SZRD1: variants seen among roughly 807,000 people sequenced by gnomAD.
SZRD1 encodes the protein SUZ RNA-binding domain-containing.
A neutral mutation model predicts 17.6 loss-of-function variants in SZRD1; 7 were observed. That is an observed-to-expected ratio of 0.40 (90% CI 0.23 to 0.75). The LOEUF (loss-of-function observed/expected upper bound fraction) is 0.75. SZRD1 is among the 30% of genes least tolerant of loss of function. The pLI, the probability that SZRD1 is intolerant of heterozygous loss-of-function variation, is 0.38. For missense variants in SZRD1, 178 were observed against 201.8 expected (o/e 0.88, Z 0.71); for synonymous variants, 77 against 77.9 (o/e 0.99, Z 0.06).
At chr1:16,389,773 G>A (rs1197163146) in intron 1 of SZRD1, among the ~76,000 whole-genome samples, 1 of 152,242 alleles carries the variant, frequency 6.6e-6, no homozygotes, top group Admixed American at 6.5e-5. Context: ...AACATACAGA[G>A]CACTTACGAA....
intron 1 of SZRD1, among the ~76,000 whole-genome samples, chr1:16,371,803 G>T (rs2082920098): frequency 6.6e-6 from 1 of 152,106 alleles, no homozygotes; most frequent in Non-Finnish European, 1.5e-5. Flanking sequence ...GCCAAGGTTG[G>T]AGTGCAGTGG....
At chr1:16,367,604 T>C in intron 1 of SZRD1, 1 of 480,692 alleles carries the variant, frequency 2.1e-6, no homozygotes, top group Non-Finnish European at 3.7e-6. Flanking sequence ...GCCCACTTGC[T>C]GGCCGTGGGC....
chr1:16,381,098 A>AC (rs1557625714), intron 1 of SZRD1, among the ~76,000 whole-genome samples: 1 of 150,954 alleles, frequency 6.6e-6, no homozygotes, highest in African/African-American at 2.4e-5. Context: ...AAAAAAAAAA[A>AC]AAAAAACTAG....
intron 1 of SZRD1, among the ~76,000 whole-genome samples, chr1:16,383,676 G>T (rs1451069003): frequency 7.1e-6 from 1 of 140,914 alleles, no homozygotes; most frequent in African/African-American, 2.7e-5. Context: ...CTGGAGTGCA[G>T]TGGTGCAATC....
rs1458336795 is a variant in SZRD1, at chr1:16,393,216, G to A, written c.102-12G>A. On this transcript the variant is annotated splice_polypyrimidine_tract_variant and intron_variant, in intron 2 of 3. Coordinates refer to ENST00000401088, the MANE Select transcript of SZRD1 (RefSeq NM_001114600.3). The surrounding 1 kb of genome is among the most constrained non-coding windows in gnomAD (Gnocchi z 5.6). Reference sequence around the variant, plus strand: ...GAGCATGATTTGTGAAGCTGTGTTTGCTCTTTGTCAGCAGGAAATCCAAAT... The same window carrying A: ...GAGCATGATTTGTGAAGCTGTGTTTACTCTTTGTCAGCAGGAAATCCAAAT... 6.2e-7 allele frequency: 1 copy of A among 1,613,018 alleles called. No homozygotes were observed. Among genetic ancestry groups the A allele is most frequent in the Admixed American group, 1.7e-5 (1 of 59,964 alleles).
At chr1:16,368,477 C>G (rs1340959422) in intron 1 of SZRD1, among the ~76,000 whole-genome samples, 3 of 138,058 alleles carry the variant, frequency 2.2e-5, no homozygotes, top group East Asian at 4.0e-4. Context: ...CAGCATTTCT[C>G]TCAACGGTTG....
At chr1:16,369,287 A>G (rs2082872218) in intron 1 of SZRD1, 13 of 663,148 alleles carry the variant, frequency 2.0e-5, no homozygotes, top group Non-Finnish European at 2.7e-6. Flanking sequence ...TATTTGAAAT[A>G]CCTTTTGGAG....
At chr1:16,392,738 CT>C (rs1160018211) in intron 2 of SZRD1, among the ~76,000 whole-genome samples, 1 of 152,092 alleles carries the variant, frequency 6.6e-6, no homozygotes, top group African/African-American at 2.4e-5. Flanking sequence ...TAGTGGGCTC[CT>C]TTGTAGTGTT....
chr1:16,390,303 G>A (rs932844993), intron 1 of SZRD1, among the ~76,000 whole-genome samples: 9 of 152,164 alleles, frequency 5.9e-5, no homozygotes, highest in African/African-American at 2.2e-4. Context: ...GTGTGTGGAG[G>A]TGTCATAGGC....
intron 1 of SZRD1, among the ~76,000 whole-genome samples, chr1:16,380,471 A>ATT (rs57317351): frequency 0.082 from 11,963 of 145,506 alleles, 645 homozygotes; most frequent in Non-Finnish European, 0.13. Context: ...CCTGGCTTTT[A>ATT]TTTTTTTTTT....
chr1:16,380,957 T>G (rs2083090541), intron 1 of SZRD1, among the ~76,000 whole-genome samples: 1 of 151,340 alleles, frequency 6.6e-6, no homozygotes, highest in Admixed American at 6.6e-5. Context: ...CATAGTGGCA[T>G]GTGCTTGTAA....
At chr1:16,379,983 G>A (rs1453712108) in intron 1 of SZRD1, among the ~76,000 whole-genome samples, 4 of 151,934 alleles carry the variant, frequency 2.6e-5, no homozygotes, top group Non-Finnish European at 4.4e-5. Flanking sequence ...GCTGGTGATT[G>A]TTCTTTAATT....
At chr1:16,384,571 C>T (rs1300140775) in intron 1 of SZRD1, among the ~76,000 whole-genome samples, 1 of 152,106 alleles carries the variant, frequency 6.6e-6, no homozygotes, top group Admixed American at 6.6e-5. Flanking sequence ...GGAAACAAGA[C>T]CCCTTGCAGG....
Position 16,382,951 on chromosome 1 carries a change from C to T in SZRD1, c.52-8424C>T, listed in dbSNP as rs374362983. Among the ~76,000 whole-genome samples the T allele has an allele frequency of 7.2e-5, 11 of 151,954 alleles. No homozygotes were observed. The East Asian group carries it at 1.4e-3, about 19-fold the overall frequency. On this transcript the variant is annotated intron_variant, in intron 1 of 3. Coordinates refer to ENST00000401088, the MANE Select transcript of SZRD1 (RefSeq NM_001114600.3). ...TGCAATCTCAGCTTACTGCAACCTC[C>T]GCCTCCCGGGTTCTAGCGATTCTCC...
chr1:16,385,927 C>T (rs2083180476), intron 1 of SZRD1, among the ~76,000 whole-genome samples: 1 of 152,190 alleles, frequency 6.6e-6, no homozygotes, highest in Admixed American at 6.5e-5. Flanking sequence ...AACCACCTTC[C>T]TCCCCACTGT....
chr1:16,371,607 A>G (rs974897919), intron 1 of SZRD1, among the ~76,000 whole-genome samples: 4 of 150,898 alleles, frequency 2.7e-5, no homozygotes, highest in Admixed American at 6.6e-5. Flanking sequence ...GACTACAGGC[A>G]CCCACCACCA....
chr1:16,390,422 T>G (rs190548217), intron 1 of SZRD1: 5 of 152,456 alleles, frequency 3.3e-5, no homozygotes, highest in African/African-American at 1.2e-4. Flanking sequence ...TGCCTGCTCC[T>G]CCTTCTCAGC....
intron 1 of SZRD1, among the ~76,000 whole-genome samples, chr1:16,378,197 T>C (rs754831276): frequency 1.2e-4 from 18 of 152,004 alleles, no homozygotes; most frequent in Non-Finnish European, 2.2e-4. Context: ...AGATGGCATC[T>C]ACAAAGTTTT....
chr1:16,380,309 CTTTA>C (rs948517433), intron 1 of SZRD1, among the ~76,000 whole-genome samples: 4 of 150,226 alleles, frequency 2.7e-5, no homozygotes, highest in African/African-American at 9.8e-5. Flanking sequence ...ACGCTCGTCT[CTTTA>C]TTTATTTTTG....
Sources: gnomAD v4.1 joint callset for allele counts (sites outside exome capture counted in the v4.1 genomes callset) on GRCh38, gnomAD v4.1.1 for gene constraint, Gnocchi (gnomAD v3.1) non-coding constraint, MANE v1.5 for transcripts, NCBI Gene and HGNC (gene_info 2026-07-23, HGNC 2026-07-21) for gene names.